Variants in SH3TC1 observed in about 807,000 individuals in gnomAD.
SH3TC1 encodes the protein SH3 domain and tetratricopeptide repeat-containing protein 1.
SH3TC1 carries 135 observed loss-of-function variants against 117.3 expected under a neutral mutation model. The observed-to-expected ratio is 1.15, with a 90% CI of 1.00 to 1.33. The LOEUF (loss-of-function observed/expected upper bound fraction) is 1.33, where lower values mean the gene tolerates loss of function less well. Among genes scored for constraint, SH3TC1 ranks in the 40% most tolerant of loss-of-function variants. The probability of loss-of-function intolerance (pLI) is 0.00; values close to 1 mark genes in which losing one functional copy is unlikely to be tolerated. For missense variants in SH3TC1, 2,092 were observed against 1,794.3 expected (o/e 1.17, Z -3.00); for synonymous variants, 898 against 816.9 (o/e 1.10, Z -1.69).
rs887396437 is a variant in SH3TC1, at chr4:8,192,243, C to T, written c.-57+10033C>T. The stretch of plus-strand genomic sequence containing the variant: ...TCCTGACCTCAAGTGATCTGCACCC[C>T]CCTCGGCCTCCCAAAGTGCTGGGAT... On this transcript the variant is annotated intron_variant, in intron 1 of 16. Transcript: ENST00000508641. This position sits in a 1 kb window ranked among gnomAD's most constrained non-coding sequence, Gnocchi z 4.1. Among the ~76,000 whole-genome samples, 12 of 151,826 alleles carry T rather than the reference C, an allele frequency of 7.9e-5. No individual in the cohort carries two copies. The highest frequency in any genetic ancestry group is 1.3e-4 in the Non-Finnish European group (9 of 67,930).
At chr4:8,198,118 AAAG>A (rs1717622062), upstream of SH3TC1, among the ~76,000 whole-genome samples, 1 of 152,126 alleles carries the variant, frequency 6.6e-6, no homozygotes, top group Non-Finnish European at 1.5e-5. Flanking sequence ...GCCCTGCAAC[AAAG>A]AAGGATGCGG....
intron 1 of SH3TC1, among the ~76,000 whole-genome samples, chr4:8,189,332 G>T (rs1717337135): frequency 6.6e-6 from 1 of 152,286 alleles, no homozygotes; most frequent in African/African-American, 2.4e-5. Context: ...GGTGACAGAT[G>T]ATGGCCCCAG....
intron 1 of SH3TC1, among the ~76,000 whole-genome samples, chr4:8,188,192 G>T (rs911758586): frequency 6.6e-6 from 1 of 152,170 alleles, no homozygotes; most frequent in Non-Finnish European, 1.5e-5. Flanking sequence ...GCTGTGCAGT[G>T]CTCCCCTTTC....
At chr4:8,231,866 C>T (rs2152994753) in intron 12 of SH3TC1, 110 bp from the exon 13 acceptor site, 2 of 1,317,058 alleles carry the variant, frequency 1.5e-6, no homozygotes, top group Non-Finnish European at 1.0e-6. Flanking sequence ...CTGTGGGGCC[C>T]AGGCTCACAG....
chr4:8,234,343 TGTCC>T (rs200919527), intron 14 of SH3TC1, among the ~76,000 whole-genome samples: 1,642 of 150,374 alleles, frequency 0.011, 10 homozygotes, highest in Middle Eastern at 0.035. Flanking sequence ...TTCGTCTGTC[TGTCC>T]ATTTGTTTAT....
intron 1 of SH3TC1, among the ~76,000 whole-genome samples, chr4:8,184,540 C>T (rs970422672): frequency 1.3e-5 from 2 of 152,188 alleles, no homozygotes; most frequent in Non-Finnish European, 2.9e-5. Context: ...CCACCACACC[C>T]AGCTAATTTT....
intron 17 of SH3TC1, among the ~76,000 whole-genome samples, chr4:8,240,262 T>C (rs1369252559): frequency 6.6e-6 from 1 of 152,224 alleles, no homozygotes; most frequent in African/African-American, 2.4e-5. Context: ...ACCTGGGAGA[T>C]GCTTTTATAC....
rs1021076839 is a variant in SH3TC1 at position 8,210,448 on chromosome 4, C to T, written c.247+626C>T. On this transcript the variant is annotated intron_variant, in intron 3 of 17. Transcript: ENST00000245105. The surrounding 1 kb of genome is among the most constrained non-coding windows in gnomAD (Gnocchi z 4.1). ...TGGTGGCCACTCGGGATGACCAGGA[C>T]GCATTAGGCAATAGGACCGTTATTT... Among the ~76,000 whole-genome samples, 3 of 152,318 alleles carry T rather than the reference C, an allele frequency of 2.0e-5. No homozygotes were observed. The highest frequency in any genetic ancestry group is 2.1e-4 in the South Asian group (1 of 4,832).
intron 9 of SH3TC1, among the ~76,000 whole-genome samples, chr4:8,220,651 C>T (rs1428050634): frequency 6.6e-6 from 1 of 152,212 alleles, no homozygotes; most frequent in Non-Finnish European, 1.5e-5. Flanking sequence ...GGAGAGGCCA[C>T]CTTCTGGGTC....
intron 7 of SH3TC1, 154 bp from the exon 8 acceptor site, chr4:8,218,116 AT>A: frequency 2.1e-6 from 1 of 476,800 alleles, no homozygotes; most frequent in Non-Finnish European, 3.8e-6. Context: ...CTGGGCAGGC[AT>A]GTGTGTGTGT....
In SH3TC1 at chr4:8,205,426, G is replaced by GT; in HGVS notation, c.172+60_172+61insT. On this transcript the variant is annotated intron_variant, in intron 2 of 17. Coordinates refer to ENST00000245105, the MANE Select transcript of SH3TC1 (RefSeq NM_018986.5). The surrounding 1 kb of genome is among the most constrained non-coding windows in gnomAD (Gnocchi z 5.4). Reference sequence around the variant, plus strand: ...TCCCACCCACTTCTCCACCCCACCCGCCCCGTCCATCCATCCCTCACCACC... The same window carrying GT: ...TCCCACCCACTTCTCCACCCCACCCGTCCCCGTCCATCCATCCCTCACCACC... 1.6e-6 allele frequency: 2 copies of GT among 1,221,004 alleles called. No individual in the cohort carries two copies. Among genetic ancestry groups the GT allele is most frequent in the Non-Finnish European group, 2.1e-6 (2 of 974,984 alleles). 75.6% of individuals were successfully genotyped at this position (1,221,004 alleles called of 1,614,324 possible).
In SH3TC1 at chr4:8,237,455, C is replaced by A; in HGVS notation, c.3557-19C>A. ...GGGGAGCCACGTCCTCACACCTGCC[C>A]CCTTGGCCTGCACCCCAGGGGACCG... On this transcript the variant is annotated intron_variant, in intron 16 of 17. Transcript: ENST00000245105. 6.6e-7 allele frequency: 1 copy of A among 1,519,734 alleles called. No individual in the cohort carries two copies. The highest frequency in any genetic ancestry group is 8.8e-7 in the Non-Finnish European group (1 of 1,134,084). The allele number at this position is 1,519,734 out of a possible 1,614,324, so 94.1% of individuals were successfully genotyped here.
chr4:8,215,890 G>A (rs977180426), intron 5 of SH3TC1, among the ~76,000 whole-genome samples: 1 of 152,306 alleles, frequency 6.6e-6, no homozygotes, highest in Admixed American at 6.5e-5. Context: ...GTTGCCGCTG[G>A]TGGGTGGTGG....
chr4:8,192,461 A>G lies in SH3TC1; in HGVS notation c.-57+10251A>G, dbSNP rs1717446799. Among the ~76,000 whole-genome samples, 1 of 140,242 alleles carries G rather than the reference A, an allele frequency of 7.1e-6. No homozygotes were observed. Among genetic ancestry groups the G allele is most frequent in the Non-Finnish European group, 1.5e-5 (1 of 67,080 alleles). The allele number at this position is 140,242 out of a possible 152,430, so 92.0% of individuals were successfully genotyped here. On this transcript the variant is annotated intron_variant, in intron 1 of 16. Transcript: ENST00000508641. The surrounding 1 kb of genome is among the most constrained non-coding windows in gnomAD (Gnocchi z 4.1). ...CAACCACTTGTCTTTATTTTATTTT[A>G]TTTTATTTTATTTTATTTTATTTTA...
chr4:8,194,600 G>C (rs1190832233), upstream of SH3TC1, among the ~76,000 whole-genome samples: 1 of 152,178 alleles, frequency 6.6e-6, no homozygotes, highest in Non-Finnish European at 1.5e-5. Context: ...CAGAAACGGG[G>C]AACAATCTGG....
chr4:8,230,564 CTCTG>C (rs1193736655), intron 12 of SH3TC1, among the ~76,000 whole-genome samples: 1 of 152,146 alleles, frequency 6.6e-6, no homozygotes, highest in Non-Finnish European at 1.5e-5. Context: ...TTTTTCCATT[CTCTG>C]TATTTTTACT....
At chr4:8,215,962 A>G in intron 5 of SH3TC1, 149 bp from the exon 6 acceptor site, 1 of 976,180 alleles carries the variant, frequency 1.0e-6, no homozygotes, top group Non-Finnish European at 1.5e-6. Flanking sequence ...TGTAGCCAGC[A>G]CTGTGGGCAC....
chr4:8,193,494 C>T (rs1400877310), intron 1 of SH3TC1, among the ~76,000 whole-genome samples: 2 of 152,170 alleles, frequency 1.3e-5, no homozygotes, highest in South Asian at 4.1e-4. Context: ...GGTTCCTCTC[C>T]CTCCAAGTCT....
chr4:8,187,201 C>T (rs528639791), intron 1 of SH3TC1, among the ~76,000 whole-genome samples: 35 of 152,330 alleles, frequency 2.3e-4, no homozygotes, highest in Admixed American at 2.2e-3. Context: ...TCATATTAGA[C>T]AGGGGATATG....
Sources: gnomAD v4.1 joint callset for allele counts (sites outside exome capture counted in the v4.1 genomes callset) on GRCh38, gnomAD v4.1.1 for gene constraint, Gnocchi (gnomAD v3.1) non-coding constraint, MANE v1.5 for transcripts, NCBI Gene and HGNC (gene_info 2026-07-23, HGNC 2026-07-21) for gene names.